PROX1: variants seen among roughly 807,000 people sequenced by gnomAD.
PROX1 encodes the protein prospero homeobox protein 1.
Under a neutral mutation model 58.8 loss-of-function variants are expected in PROX1, and 7 were observed. The observed-to-expected ratio is 0.12, with a 90% CI of 0.07 to 0.22. PROX1 has a LOEUF of 0.22. Among genes scored for constraint, PROX1 ranks in the 10% least tolerant of loss-of-function variants. The probability of loss-of-function intolerance (pLI) is 1.00; values close to 1 mark genes in which losing one functional copy is unlikely to be tolerated. For missense variants in PROX1, 675 were observed against 927.8 expected (o/e 0.73, Z 3.54); for synonymous variants, 350 against 358.3 (o/e 0.98, Z 0.26).
intron 4 of PROX1, among the ~76,000 whole-genome samples, chr1:214,026,908 CAGT>C (rs1378282173): frequency 6.6e-6 from 1 of 152,180 alleles, no homozygotes. Context: ...CCCTCCTTGG[CAGT>C]TTGCATGTGA....
chr1:214,031,065 GT>G, intron 4 of PROX1, among the ~76,000 whole-genome samples: 1 of 150,570 alleles, frequency 6.6e-6, no homozygotes, highest in Non-Finnish European at 1.5e-5. Context: ...GTGTGTGTGT[GT>G]GCGCGCGCGC....
At chr1:214,026,239 A>G (rs1255151788) in intron 4 of PROX1, among the ~76,000 whole-genome samples, 2 of 152,198 alleles carry the variant, frequency 1.3e-5, no homozygotes. Context: ...CGCGACCAAT[A>G]ATGTGACAAT....
intron 4 of PROX1, among the ~76,000 whole-genome samples, chr1:214,032,653 C>A (rs954372024): frequency 1.3e-5 from 2 of 152,130 alleles, no homozygotes; most frequent in East Asian, 3.9e-4. Flanking sequence ...TAAGTAACTG[C>A]CACTCTAGAG....
At chr1:214,004,549 A>T (rs1663638093) in intron 2 of PROX1, among the ~76,000 whole-genome samples, 1 of 152,180 alleles carries the variant, frequency 6.6e-6, no homozygotes, top group Non-Finnish European at 1.5e-5. Context: ...CCATGCCAAA[A>T]CTACTCTTCC....
chr1:213,989,995 T>C (rs926008899), intron 1 of PROX1, among the ~76,000 whole-genome samples: 4 of 151,816 alleles, frequency 2.6e-5, no homozygotes, highest in African/African-American at 4.8e-5. Context: ...CACCTGCTTG[T>C]TTTTATTTTT....
At position 214,037,141 on chromosome 1, in the gene PROX1, T is replaced by C. The variant is rs1044335999; in HGVS notation, c.*1307T>C. The C allele has an allele frequency of 6.6e-6, 1 of 152,244 alleles. No individual in the cohort carries two copies. The highest frequency in any genetic ancestry group is 2.4e-5 in the African/African-American group (1 of 41,464). The allele number at this position is 152,244 out of a possible 1,614,324, so 9.4% of individuals were successfully genotyped here. A position where few individuals can be genotyped will look rare whatever the true frequency, so the allele number is the denominator to read the frequency against. ...TTTATGCTTTCTTCCATGGTTCTCC[T>C]CTTTTTTCCCTTTTATTTTTCCCTG... On this transcript the variant is annotated 3_prime_UTR_variant, in exon 5 of 5. Transcript: ENST00000366958.
rs185181391 is a variant in PROX1 at position 214,036,561 on chromosome 1, T to C, written c.*727T>C. 1 of 152,332 alleles carries C rather than the reference T, an allele frequency of 6.6e-6. No homozygotes were observed. The highest frequency in any genetic ancestry group is 1.9e-4 in the East Asian group (1 of 5,186). The allele number at this position is 152,332 out of a possible 1,614,324, so 9.4% of individuals were successfully genotyped here. A position where few individuals can be genotyped will look rare whatever the true frequency, so the allele number is the denominator to read the frequency against. Reference sequence around the variant, plus strand: ...GACTAGAAATTCATACCTGGTCTTGTAGCCACCTCTCTAAACTTGAAAATA... The same window carrying C: ...GACTAGAAATTCATACCTGGTCTTGCAGCCACCTCTCTAAACTTGAAAATA... On this transcript the variant is annotated 3_prime_UTR_variant, in exon 5 of 5. Transcript: ENST00000366958.
chr1:213,997,846 A>G lies in PROX1; in HGVS notation c.1311A>G (p.Glu437=). 1 of 1,614,068 alleles carries G rather than the reference A, an allele frequency of 6.2e-7. No individual in the cohort carries two copies. Among genetic ancestry groups the G allele is most frequent in the Non-Finnish European group, 8.5e-7 (1 of 1,179,974 alleles). The change falls in exon 2 of 5, where the codon GAA becomes GAG. Residue 437 remains glutamate, a synonymous_variant. Transcript: ENST00000366958. This position sits in a 1 kb window ranked among gnomAD's most constrained non-coding sequence, Gnocchi z 7.1. The stretch of plus-strand genomic sequence containing the variant: ...TGGCCAGTTCCACTGACCAGACAGA[A>G]GCACTGCCCCTGGTTGTCCGCAAAA... The part of the protein sequence containing the change: ...VQMASSTDQT[E]ALPLVVRKNS...
chr1:214,036,741 AT>A lies in PROX1; in HGVS notation c.*913del, dbSNP rs536418997. On this transcript the variant is annotated 3_prime_UTR_variant, in exon 5 of 5. Coordinates refer to ENST00000366958, the MANE Select transcript of PROX1 (RefSeq NM_001270616.2). Reference sequence around the variant, plus strand: ...TTAAAAGGATTCTGTTTACTTAACAATTTTTTCCCCTAAAATACTATTTTCT... The same window carrying A: ...TTAAAAGGATTCTGTTTACTTAACAATTTTTCCCCTAAAATACTATTTTCT... The A allele has an allele frequency of 2.2e-4, 33 of 152,290 alleles. No homozygotes were observed. Among genetic ancestry groups the A allele is most frequent in the African/African-American group, 4.8e-5 (2 of 41,564 alleles). The allele number at this position is 152,290 out of a possible 1,614,324, so 9.4% of individuals were successfully genotyped here. A position where few individuals can be genotyped will look rare whatever the true frequency, so the allele number is the denominator to read the frequency against.
intron 4 of PROX1, among the ~76,000 whole-genome samples, chr1:214,023,283 G>A (rs995362016): frequency 6.6e-6 from 1 of 151,812 alleles, no homozygotes; most frequent in African/African-American, 2.4e-5. Context: ...TTTATAATAT[G>A]CATTAACTTC....
Position 214,011,526 on chromosome 1 carries a change from C to T in PROX1, c.1839C>T (p.Asn613=). 1.2e-6 allele frequency: 2 copies of T among 1,608,686 alleles called. No homozygotes were observed. The highest frequency in any genetic ancestry group is 1.7e-6 in the Non-Finnish European group (2 of 1,177,380). Reference sequence around the variant, plus strand: ...TCAACATTTAAATTTAACAGTTCAACAGATGCATTACCTCTCAGCTCATCA... The same window carrying T: ...TCAACATTTAAATTTAACAGTTCAATAGATGCATTACCTCTCAGCTCATCA... ...LKTYFSDVKF[N]RCITSQLIKW... is the part of the protein sequence containing the mutation. Residue 613 remains asparagine, a synonymous_variant, in exon 4 of 5, where the codon AAC becomes AAT. Transcript: ENST00000366958.
rs111991025 is a variant in PROX1, at chr1:214,035,959, A to G, written c.*125A>G. 4 of 745,452 alleles carry G rather than the reference A, an allele frequency of 5.4e-6. No individual in the cohort carries two copies. Among genetic ancestry groups the G allele is most frequent in the African/African-American group, 1.8e-5 (1 of 54,892 alleles). The allele number at this position is 745,452 out of a possible 1,614,324, so 46.2% of individuals were successfully genotyped here. On this transcript the variant is annotated 3_prime_UTR_variant, in exon 5 of 5. Transcript: ENST00000366958. ...GGAGGCATGGATATGTTATGAAATC[A>G]GCTGGTAATTCCTCCTCATCACGTT...
At chr1:213,991,935 A>G (rs1663052831) in intron 1 of PROX1, among the ~76,000 whole-genome samples, 1 of 152,232 alleles carries the variant, frequency 6.6e-6, no homozygotes, top group South Asian at 2.1e-4. Context: ...TTAATTAAGT[A>G]CCTGTGTAAC....
At chr1:214,015,207 A>G (rs1478072274) in intron 4 of PROX1, among the ~76,000 whole-genome samples, 3 of 152,162 alleles carry the variant, frequency 2.0e-5, no homozygotes, top group African/African-American at 4.8e-5. Flanking sequence ...AGTTTGTGCT[A>G]AAGGGCAGAA....
intron 4 of PROX1, among the ~76,000 whole-genome samples, chr1:214,013,138 GGTGT>G (rs67603307): frequency 0.016 from 2,304 of 147,382 alleles, 23 homozygotes; most frequent in Non-Finnish European, 0.021. Context: ...AAGTTTGGGT[GGTGT>G]GTGTGTGTGT....
In PROX1 at chr1:213,996,936, G is replaced by A. The variant is rs771946979; in HGVS notation, c.401G>A (p.Arg134Lys). 1 of 1,614,116 alleles carries A rather than the reference G, an allele frequency of 6.2e-7. No homozygotes were observed. The change falls in exon 2 of 5, where the codon AGA (arginine) becomes AAA (lysine). Residue 134 changes from arginine (R) to lysine (K), a missense_variant. Physicochemically the swap from Arg to Lys is conservative, Grantham distance 26. Coordinates refer to ENST00000366958, the MANE Select transcript of PROX1 (RefSeq NM_001270616.2). ...GAGGATATATGCAGCAACTCTTCAA[G>A]AGACAGCCCCCCAGAGTGTCTTTCC... ...HQEDICSNSS[R>K]DSPPECLSPF...
At chr1:213,996,088 GA>G (rs1240940612) in intron 1 of PROX1, among the ~76,000 whole-genome samples, 1 of 151,960 alleles carries the variant, frequency 6.6e-6, no homozygotes, top group African/African-American at 2.4e-5. Flanking sequence ...CTTAAGTATA[GA>G]GCAGTTTCAT....
chr1:214,034,050 G>T (rs1190539460), intron 4 of PROX1, among the ~76,000 whole-genome samples: 2 of 152,182 alleles, frequency 1.3e-5, no homozygotes, highest in African/African-American at 4.8e-5. Flanking sequence ...CTTTAGGAGG[G>T]TCTGATAAAA....
chr1:214,017,007 A>AG (rs1664120478), intron 4 of PROX1, among the ~76,000 whole-genome samples: 1 of 152,162 alleles, frequency 6.6e-6, no homozygotes, highest in Non-Finnish European at 1.5e-5. Context: ...ACCTTTCTCA[A>AG]CATTCTTAAA....
Sources: gnomAD v4.1 joint callset for allele counts (sites outside exome capture counted in the v4.1 genomes callset) on GRCh38, gnomAD v4.1.1 for gene constraint, Gnocchi (gnomAD v3.1) non-coding constraint, MANE v1.5 for transcripts, NCBI Gene and HGNC (gene_info 2026-07-23, HGNC 2026-07-21) for gene names.